Variants in HMGCL observed in about 807,000 individuals in gnomAD.
The protein encoded by HMGCL is hydroxymethylglutaryl-CoA lyase, mitochondrial.
A neutral mutation model predicts 37.3 loss-of-function variants in HMGCL; 26 were observed. That is an observed-to-expected ratio of 0.70 (90% CI 0.51 to 0.97). HMGCL has a LOEUF of 0.97. Ranked by LOEUF, HMGCL falls within the 50% of genes least tolerant of loss-of-function variation. The probability of loss-of-function intolerance (pLI) is 0.00; values close to 1 mark genes in which losing one functional copy is unlikely to be tolerated. For missense variants in HMGCL, 379 were observed against 398.1 expected, an observed-to-expected ratio of 0.95 and a Z score of 0.41; for synonymous variants, 151 against 148.0, an observed-to-expected ratio of 1.02 and a Z score of -0.15.
chr1:23,807,239 A>G, intron 7 of HMGCL: 1 of 518,870 alleles, frequency 1.9e-6, no homozygotes, highest in South Asian at 1.4e-5. Context: ...TGGGAAACGC[A>G]TGAGCTGAAG....
intron 2 of HMGCL, 26 bp from the exon 3 acceptor site, chr1:23,817,609 G>C (rs750944360): frequency 7.0e-7 from 1 of 1,437,412 alleles, no homozygotes; most frequent in Admixed American, 1.7e-5. Context: ...AAACACCAAG[G>C]CAGCAAAGTT....
chr1:23,814,962 C>G (rs1280769390), intron 4 of HMGCL, among the ~76,000 whole-genome samples: 1 of 151,934 alleles, frequency 6.6e-6, no homozygotes, highest in Non-Finnish European at 1.5e-5. Flanking sequence ...AATCACAGCA[C>G]TTTGGGAGGC....
chr1:23,809,891 AG>A, intron 6 of HMGCL: 1 of 152,474 alleles, frequency 6.6e-6, no homozygotes, highest in Non-Finnish European at 1.5e-5. Context: ...GCTGGCCTTT[AG>A]GGGGCAGCAG....
intron 5 of HMGCL, among the ~76,000 whole-genome samples, chr1:23,811,943 T>TA (rs1638527585): frequency 6.6e-6 from 1 of 152,364 alleles, no homozygotes; most frequent in East Asian, 1.9e-4. Flanking sequence ...TGCTCCCACT[T>TA]ATTCTCCAAC....
At chr1:23,821,519 T>A (rs1638720574) in intron 1 of HMGCL, among the ~76,000 whole-genome samples, 1 of 151,558 alleles carries the variant, frequency 6.6e-6, no homozygotes, top group Non-Finnish European at 1.5e-5. Context: ...ATTAGCCAGG[T>A]GTGGTGGAAT....
At chr1:23,816,824 C>T (rs1293599961) in intron 3 of HMGCL, 54 bp from the exon 4 acceptor site, 1 of 1,088,510 alleles carries the variant, frequency 9.2e-7, no homozygotes, top group Non-Finnish European at 1.4e-6. Flanking sequence ...ACAGAGAGTT[C>T]AGTTAGAGAA....
intron 5 of HMGCL, among the ~76,000 whole-genome samples, chr1:23,811,719 A>T (rs987659234): frequency 1.3e-5 from 2 of 152,226 alleles, no homozygotes; most frequent in Non-Finnish European, 1.5e-5. Context: ...TGAGGAGGTC[A>T]GCAAGGTGGG....
At chr1:23,807,340 CTG>C in intron 7 of HMGCL, 1 of 477,446 alleles carries the variant, frequency 2.1e-6, no homozygotes, top group South Asian at 1.5e-5. Context: ...AGCCACAACT[CTG>C]AGGAAACCGA....
chr1:23,819,673 G>A (rs1009000201), intron 2 of HMGCL, among the ~76,000 whole-genome samples: 1 of 152,326 alleles, frequency 6.6e-6, no homozygotes, highest in African/African-American at 2.4e-5. Context: ...AGGTTGAGGT[G>A]AGCCGAGATT....
chr1:23,803,399 AC>A (rs1638329750), intron 8 of HMGCL, among the ~76,000 whole-genome samples: 1 of 152,166 alleles, frequency 6.6e-6, no homozygotes, highest in Non-Finnish European at 1.5e-5. Context: ...ATGGGGTTTC[AC>A]CATGTCGGCC....
chr1:23,808,397 C>T (rs1057031126), intron 6 of HMGCL, 74 bp from the exon 7 acceptor site: 65 of 1,298,540 alleles, frequency 5.0e-5, no homozygotes, highest in Admixed American at 1.7e-5. Flanking sequence ...GAAGAGGGGG[C>T]CTTTGCCTGG....
At position 23,807,360 on chromosome 1, in the gene HMGCL, C is replaced by T. The variant is rs1449548118; in HGVS notation, c.750+775G>A. 6.9e-6 allele frequency: 3 copies of T among 433,048 alleles called. 1 individual carries two copies. Among genetic ancestry groups the T allele is most frequent in the South Asian group, 3.3e-5 (2 of 59,796 alleles). 26.8% of individuals were successfully genotyped at this position (433,048 alleles called of 1,614,324 possible). A position where few individuals can be genotyped will look rare whatever the true frequency, so the allele number is the denominator to read the frequency against. The stretch of plus-strand genomic sequence containing the variant: ...CAACTCTGAGGAAACCGACCCAGAA[C>T]ATAACAGACTCACCTGGCTTAGACA... On this transcript the variant is annotated intron_variant, in intron 7 of 8. Coordinates refer to ENST00000374490, the MANE Select transcript of HMGCL (RefSeq NM_000191.3).
chr1:23,820,655 C>A, intron 1 of HMGCL, 62 bp from the exon 2 acceptor site: 1 of 1,078,144 alleles, frequency 9.3e-7, no homozygotes, highest in Non-Finnish European at 1.4e-6. Flanking sequence ...CCCAGGGAGA[C>A]CAATATGAAA....
At chr1:23,808,787 G>A (rs1010614697) in intron 6 of HMGCL, among the ~76,000 whole-genome samples, 9 of 142,032 alleles carry the variant, frequency 6.3e-5, no homozygotes, top group South Asian at 4.4e-4. Flanking sequence ...TCTGTCATTC[G>A]GCTAGAGTGC....
chr1:23,819,764 C>T (rs142097146), intron 2 of HMGCL, among the ~76,000 whole-genome samples: 21 of 150,228 alleles, frequency 1.4e-4, no homozygotes, highest in African/African-American at 4.8e-4. Context: ...CGCGTGCGTA[C>T]GCGCACATGC....
intron 2 of HMGCL, among the ~76,000 whole-genome samples, chr1:23,817,849 G>C (rs1638639751): frequency 6.6e-6 from 1 of 152,208 alleles, no homozygotes; most frequent in South Asian, 2.1e-4. Flanking sequence ...CCTCTGGGGA[G>C]TATGGGATGG....
rs541368213 is a variant in HMGCL, at chr1:23,824,034, G to A, written c.60+1322C>T. On this transcript the variant is annotated intron_variant, in intron 1 of 8. Transcript: ENST00000374490. ...GGGCCACTGTTGCCTCTTTACCACC[G>A]TTCGTTCGGTCCACAGTCTTCTCCT... 1.1e-4 allele frequency among the ~76,000 whole-genome samples: 17 copies of A among 152,250 alleles called. No homozygotes were observed. The South Asian group carries it at 2.1e-3, about 19-fold the overall frequency.
At position 23,816,770 on chromosome 1, in the gene HMGCL, T is replaced by C; in HGVS notation, c.253A>G (p.Met85Val). The change falls in exon 4 of 9, where the codon ATG becomes GTG. Residue 85 changes from methionine to valine, a missense_variant and splice_region_variant. Transcript: ENST00000374490. ...TTCAAGACTTCAGTGTGGTCACCCA[T>C]CTAGGAACCAAGGGAGACATTGCCA... ...SFVSPKWVPQ[M>V]GDHTEVLKGI... The C allele has an allele frequency of 6.3e-7, 1 of 1,599,206 alleles. No homozygotes were observed. Among genetic ancestry groups the C allele is most frequent in the Non-Finnish European group, 8.6e-7 (1 of 1,166,312 alleles).
intron 1 of HMGCL, among the ~76,000 whole-genome samples, chr1:23,824,016 T>C (rs1230849569): frequency 6.6e-6 from 1 of 152,204 alleles, no homozygotes; most frequent in Non-Finnish European, 1.5e-5. Context: ...TCTGGGCCAC[T>C]GTTGCCTCTT....
Sources: allele counts gnomAD v4.1 joint callset (sites outside exome capture counted in the v4.1 genomes callset), GRCh38; gene constraint gnomAD v4.1.1; transcripts MANE v1.5; gene names NCBI Gene and HGNC (gene_info 2026-07-23, HGNC 2026-07-21).